Variants in ZNF780B observed in about 807,000 individuals in gnomAD.
The protein encoded by ZNF780B is zinc finger protein 779.
ZNF780B carries 52 observed loss-of-function variants against 74.1 expected under a neutral mutation model. The ratio of observed to expected loss-of-function variants is 0.70; its 90% CI spans 0.56 to 0.88. ZNF780B has a LOEUF of 0.88. Ranked by LOEUF, ZNF780B falls within the 40% of genes least tolerant of loss-of-function variation. The pLI is 0.00. For missense variants in ZNF780B, 953 were observed against 1,007.6 expected (o/e 0.95, Z 0.73); for synonymous variants, 315 against 324.3 (o/e 0.97, Z 0.31).
At chr19:40,036,673 A>G in intron 4 of ZNF780B, 47 bp from the exon 5 acceptor site, 1 of 1,177,852 alleles carries the variant, frequency 8.5e-7, no homozygotes, top group Non-Finnish European at 1.2e-6. Flanking sequence ...CCTATAACAT[A>G]CATGCATACA....
At position 40,034,467 on chromosome 19, in the gene ZNF780B, G is replaced by A; in HGVS notation, c.2392C>T (p.Leu798=). The change falls in exon 5 of 5, where the codon CTG becomes TTG. Residue 798 remains leucine, a synonymous_variant. Coordinates refer to ENST00000434248, the MANE Select transcript of ZNF780B (RefSeq NM_001005851.3). ...CTCACCTGTACAAGTTTTTGATGCA[G>A]AGAAAGTTGTAGGTGAAGTCTAAAA... ...KAFRLHLQLS[L]HQKLVQVRNP... The A allele has an allele frequency of 5.0e-6, 8 of 1,613,300 alleles. No individual in the cohort carries two copies. The highest frequency in any genetic ancestry group is 6.8e-6 in the Non-Finnish European group (8 of 1,179,804).
intron 1 of ZNF780B, 162 bp downstream of exon 1, chr19:40,056,027 C>G (rs566321038): frequency 6.5e-6 from 1 of 153,012 alleles, no homozygotes; most frequent in South Asian, 2.1e-4. Flanking sequence ...TGCCCGCGCA[C>G]ACGCACGCCT....
chr19:40,033,191 GA>G lies in ZNF780B; in HGVS notation c.*1165del, dbSNP rs374281476. ...AGATCACCATAACAGATTTAACAATGAAAAAGTTTGAAATATTATGAAAACT... is the reference window on the plus strand; with the variant it reads ...AGATCACCATAACAGATTTAACAATGAAAAGTTTGAAATATTATGAAAACT... On this transcript the variant is annotated 3_prime_UTR_variant, in exon 5 of 5. Transcript: ENST00000434248. The G allele has an allele frequency of 5.3e-4, 82 of 154,510 alleles. No homozygotes were observed. The East Asian group carries it at 0.013, about 25-fold the overall frequency. The allele number at this position is 154,510 out of a possible 1,614,324, so 9.6% of individuals were successfully genotyped here.
intron 4 of ZNF780B, among the ~76,000 whole-genome samples, chr19:40,045,162 A>G (rs1972875421): frequency 6.6e-6 from 1 of 152,244 alleles, no homozygotes; most frequent in South Asian, 2.1e-4. Context: ...AATTCTAAAC[A>G]TATAACACCA....
chr19:40,050,422 C>A, intron 1 of ZNF780B, 45 bp from the exon 2 acceptor site: 1 of 1,494,268 alleles, frequency 6.7e-7, no homozygotes, highest in Non-Finnish European at 9.1e-7. Flanking sequence ...AAGCTGTGTC[C>A]GAAAGCACTA....
Position 40,030,805 on chromosome 19 carries a change from G to A in ZNF780B, c.*3552C>T, listed in dbSNP as rs1326594611. The A allele has an allele frequency of 1.3e-5, 2 of 152,160 alleles. No homozygotes were observed. Among genetic ancestry groups the A allele is most frequent in the Admixed American group, 6.5e-5 (1 of 15,270 alleles). The allele number at this position is 152,160 out of a possible 1,614,324, so 9.4% of individuals were successfully genotyped here. The stretch of plus-strand genomic sequence containing the variant: ...ATGTGCAATGACCCAGAAAGGAGTT[G>A]TGCTAGGTTAATACCCAGGGACTCT... On this transcript the variant is annotated 3_prime_UTR_variant, in exon 5 of 5. Coordinates refer to ENST00000434248, the MANE Select transcript of ZNF780B (RefSeq NM_001005851.3).
At chr19:40,042,724 A>C (rs1972709365) in intron 4 of ZNF780B, among the ~76,000 whole-genome samples, 1 of 152,110 alleles carries the variant, frequency 6.6e-6, no homozygotes, top group Non-Finnish European at 1.5e-5. Context: ...TTCTTCATGT[A>C]GTTCTCGAGC....
rs1971944508 is a variant in ZNF780B, at chr19:40,028,940, A to C, written c.*5417T>G. The C allele has an allele frequency of 6.6e-6, 1 of 152,250 alleles. No individual in the cohort carries two copies. The highest frequency in any genetic ancestry group is 2.1e-4 in the South Asian group (1 of 4,838). 9.4% of individuals were successfully genotyped at this position (152,250 alleles called of 1,614,324 possible). On this transcript the variant is annotated 3_prime_UTR_variant, in exon 5 of 5. Transcript: ENST00000434248. ...GTTATGTCACATGACAACACCTTGG[A>C]GAAATAACTGCAGTCCTTATTCTAG...
rs1972053604 is a variant in ZNF780B at position 40,032,714 on chromosome 19, T to C, written c.*1643A>G. ...GTCTGGGCGACAGAGCGAGACTCCA[T>C]CTCAAAAAAAAAAAAAAAAAAAGAG... is the stretch of plus-strand genomic sequence containing the variant. On this transcript the variant is annotated 3_prime_UTR_variant, in exon 5 of 5. Transcript: ENST00000434248. The C allele has an allele frequency of 8.8e-6, 1 of 113,352 alleles. No homozygotes were observed. Among genetic ancestry groups the C allele is most frequent in the African/African-American group, 4.2e-5 (1 of 24,044 alleles). The allele number at this position is 113,352 out of a possible 1,614,324, so 7.0% of individuals were successfully genotyped here. A position where few individuals can be genotyped will look rare whatever the true frequency, so the allele number is the denominator to read the frequency against.
At position 40,035,012 on chromosome 19, in the gene ZNF780B, T is replaced by C. The variant is rs745783274; in HGVS notation, c.1847A>G (p.Lys616Arg). The change falls in exon 5 of 5, where the codon AAG becomes AGG. Residue 616 changes from lysine to arginine, a missense_variant. Physicochemically the swap from Lys to Arg is conservative, Grantham distance 26. Transcript: ENST00000434248. ...AAGACTGAAGGCCTTGCCACATTCCTTACATTCAAAGGGCTTCTCACCAGT... is the reference window on the plus strand; with the variant it reads ...AAGACTGAAGGCCTTGCCACATTCCCTACATTCAAAGGGCTTCTCACCAGT... The part of the protein sequence containing the change: ...FHTGEKPFEC[K>R]ECGKAFSLHT... 1 of 1,613,980 alleles carries C rather than the reference T, an allele frequency of 6.2e-7. No individual in the cohort carries two copies. Among genetic ancestry groups the C allele is most frequent in the East Asian group, 2.2e-5 (1 of 44,892 alleles).
intron 4 of ZNF780B, among the ~76,000 whole-genome samples, chr19:40,038,518 T>G (rs1322923670): frequency 6.8e-6 from 1 of 148,140 alleles, no homozygotes; most frequent in Non-Finnish European, 1.5e-5. Flanking sequence ...TGAACTAGTT[T>G]ACAGTCCCAC....
At position 40,033,244 on chromosome 19, in the gene ZNF780B, A is replaced by G. The variant is rs1338452094; in HGVS notation, c.*1113T>C. On this transcript the variant is annotated 3_prime_UTR_variant, in exon 5 of 5. Coordinates refer to ENST00000434248, the MANE Select transcript of ZNF780B (RefSeq NM_001005851.3). ...GCAAAGTGTGACACAAAGACATGAA[A>G]TGTGCATATGCTGTTTGGAAAATGG... is the stretch of plus-strand genomic sequence containing the variant. The G allele has an allele frequency of 6.5e-6, 1 of 154,872 alleles. No homozygotes were observed. The highest frequency in any genetic ancestry group is 6.5e-5 in the Admixed American group (1 of 15,282). The allele number at this position is 154,872 out of a possible 1,614,324, so 9.6% of individuals were successfully genotyped here.
In ZNF780B at chr19:40,032,290, T is replaced by A; in HGVS notation, c.*2067A>T. 2.7e-6 allele frequency: 1 copy of A among 363,886 alleles called. No homozygotes were observed. The allele number at this position is 363,886 out of a possible 1,614,324, so 22.5% of individuals were successfully genotyped here. On this transcript the variant is annotated 3_prime_UTR_variant, in exon 5 of 5. Coordinates refer to ENST00000434248, the MANE Select transcript of ZNF780B (RefSeq NM_001005851.3). Reference sequence around the variant, plus strand: ...AAACTAGGGCTACACTTCTGTAGGTTTACTAAGTTCCACAGGGGATTCTGA... The same window carrying A: ...AAACTAGGGCTACACTTCTGTAGGTATACTAAGTTCCACAGGGGATTCTGA...
intron 2 of ZNF780B, among the ~76,000 whole-genome samples, 167 bp downstream of exon 2, chr19:40,050,157 A>G (rs1973142418): frequency 1.4e-5 from 2 of 141,602 alleles, no homozygotes; most frequent in South Asian, 4.4e-4. Flanking sequence ...AGATCGCACC[A>G]CTGCATTCCA....
At chr19:40,039,484 T>C (rs1369854840) in intron 4 of ZNF780B, among the ~76,000 whole-genome samples, 6 of 151,944 alleles carry the variant, frequency 3.9e-5, no homozygotes, top group African/African-American at 1.5e-4. Flanking sequence ...TGGCATTGAA[T>C]CTATAAATTA....
intron 2 of ZNF780B, among the ~76,000 whole-genome samples, chr19:40,050,058 G>C (rs1006721711): frequency 1.3e-5 from 2 of 151,822 alleles, no homozygotes; most frequent in Non-Finnish European, 2.9e-5. Flanking sequence ...TTAGCCAGGC[G>C]TGCTGGTGGG....
Position 40,035,349 on chromosome 19 carries a change from T to C in ZNF780B, c.1510A>G (p.Lys504Glu). ...IHTGEKPFECKDCGKAFNRGS... is the reference protein window; with the variant it reads ...IHTGEKPFECEDCGKAFNRGS... ...CGATTGAAGGCCTTCCCACAGTCTTTACATTCAAATGGTTTCTCACCAGTA... is the reference window on the plus strand; with the variant it reads ...CGATTGAAGGCCTTCCCACAGTCTTCACATTCAAATGGTTTCTCACCAGTA... The change falls in exon 5 of 5, where the codon AAA becomes GAA. Residue 504 changes from lysine to glutamate, a missense_variant. By Grantham distance (56) the Lys-to-Glu change is moderately conservative (BLOSUM62 1). Coordinates refer to ENST00000434248, the MANE Select transcript of ZNF780B (RefSeq NM_001005851.3). 1 of 1,614,190 alleles carries C rather than the reference T, an allele frequency of 6.2e-7. No homozygotes were observed. Among genetic ancestry groups the C allele is most frequent in the Non-Finnish European group, 8.5e-7 (1 of 1,180,030 alleles).
intron 4 of ZNF780B, among the ~76,000 whole-genome samples, chr19:40,042,562 T>C (rs1369919800): frequency 3.3e-5 from 5 of 152,232 alleles, no homozygotes; most frequent in African/African-American, 1.2e-4. Flanking sequence ...ATTTGGTCTT[T>C]TCACATAGTC....
At chr19:40,053,951 G>A (rs543999225) in intron 1 of ZNF780B, among the ~76,000 whole-genome samples, 13 of 152,328 alleles carry the variant, frequency 8.5e-5, no homozygotes, top group African/African-American at 2.4e-4. Flanking sequence ...TCCAGAGTTC[G>A]AGACCACCCT....
Sources: allele counts gnomAD v4.1 joint callset (sites outside exome capture counted in the v4.1 genomes callset), GRCh38; gene constraint gnomAD v4.1.1; transcripts MANE v1.5; gene names NCBI Gene and HGNC (gene_info 2026-07-23, HGNC 2026-07-21).